Variants in BCO1 observed in about 807,000 individuals in gnomAD.
BCO1 encodes the protein beta,beta-carotene 15,15'-dioxygenase.
A neutral mutation model predicts 56.3 loss-of-function variants in BCO1; 54 were observed. That is an observed-to-expected ratio of 0.96 (90% CI 0.77 to 1.20). The LOEUF (loss-of-function observed/expected upper bound fraction) is 1.20, where lower values mean the gene tolerates loss of function less well. Ranked by LOEUF, BCO1 falls within the 50% of genes most tolerant of loss-of-function variation. BCO1 has a pLI of 0.00. For missense variants in BCO1, 801 were observed against 690.9 expected, an observed-to-expected ratio of 1.16 and a Z score of -1.79; for synonymous variants, 318 against 266.1, an observed-to-expected ratio of 1.20 and a Z score of -1.90.
chr16:81,270,285 A>ATCGTG lies in BCO1; in HGVS notation c.971_972insCGTGT (p.Ala325ValfsTer18). ...GGACGGCTGCATCGTGTTTGACGTC[A>ATCGTG]TTGCCTACGAGGACAACAGCCTCTA... On this transcript the variant is annotated frameshift_variant, in exon 7 of 11. Coordinates refer to ENST00000258168, the MANE Select transcript of BCO1 (RefSeq NM_017429.3). LOFTEE classifies it high-confidence loss of function. 1 of 1,614,196 alleles carries ATCGTG rather than the reference A, an allele frequency of 6.2e-7. No homozygotes were observed. Among genetic ancestry groups the ATCGTG allele is most frequent in the South Asian group, 1.1e-5 (1 of 91,078 alleles).
intron 1 of BCO1, among the ~76,000 whole-genome samples, chr16:81,243,072 C>G (rs1030849473): frequency 1.3e-5 from 2 of 152,026 alleles, no homozygotes; most frequent in African/African-American, 4.8e-5. Flanking sequence ...GGGTGCCTGC[C>G]AGGGGCTGGG....
rs149750747 is a variant in BCO1 at position 81,262,284 on chromosome 16, G to T, written c.471+1G>T. ...ACAGACTCTGGAAACCCTGGAGAAG[G>T]TATCAACACATATGTAACCAGCATC... On this transcript the variant is annotated splice_donor_variant, in intron 4 of 10. Transcript: ENST00000258168. LOFTEE classifies it high-confidence loss of function. 1 of 1,612,610 alleles carries T rather than the reference G, an allele frequency of 6.2e-7. No homozygotes were observed. Among genetic ancestry groups the T allele is most frequent in the Non-Finnish European group, 8.5e-7 (1 of 1,178,796 alleles).
intron 2 of BCO1, among the ~76,000 whole-genome samples, chr16:81,254,295 ATTTTTTTTTTTTTT>A (rs57961725): frequency 2.6e-5 from 2 of 78,288 alleles, no homozygotes; most frequent in Non-Finnish European, 4.7e-5. Context: ...CGCCCGGCTA[ATTTTTTTTTTTTTT>A]TTTTTTTTTT....
chr16:81,274,826 T>G (rs1907456478), intron 7 of BCO1, among the ~76,000 whole-genome samples: 1 of 151,498 alleles, frequency 6.6e-6, no homozygotes, highest in South Asian at 2.1e-4. Context: ...TGCAGTGAGC[T>G]GAGATCCCAC....
chr16:81,256,255 G>A lies in BCO1; in HGVS notation c.194-3421G>A, dbSNP rs575346128. 1.8e-3 allele frequency among the ~76,000 whole-genome samples: 270 copies of A among 152,214 alleles called. 7 individuals carry two copies. In the South Asian group the frequency reaches 0.053, roughly 30 times the overall value. Reference sequence around the variant, plus strand: ...TGCTGGTGCTCAATCGATGCTGGCTGTTAGTACTAGTTTCCTTTTCCTAAG... The same window carrying A: ...TGCTGGTGCTCAATCGATGCTGGCTATTAGTACTAGTTTCCTTTTCCTAAG... On this transcript the variant is annotated intron_variant, in intron 2 of 10. Transcript: ENST00000258168.
chr16:81,286,727 A>G (rs1323906641), intron 9 of BCO1, among the ~76,000 whole-genome samples: 1 of 152,140 alleles, frequency 6.6e-6, no homozygotes, highest in Non-Finnish European at 1.5e-5. Flanking sequence ...TTTAATTTTT[A>G]AAAGAATTCC....
chr16:81,247,093 C>T (rs1179954552), intron 2 of BCO1, among the ~76,000 whole-genome samples: 1 of 152,118 alleles, frequency 6.6e-6, no homozygotes, highest in Non-Finnish European at 1.5e-5. Context: ...GCTACAAAAT[C>T]AAGAGCCGAG....
intron 7 of BCO1, among the ~76,000 whole-genome samples, chr16:81,275,571 C>G (rs564437172): frequency 6.6e-6 from 1 of 152,346 alleles, no homozygotes; most frequent in East Asian, 1.9e-4. Flanking sequence ...AGGACAGGGA[C>G]TCTGTCTCAT....
At chr16:81,270,026 C>A (rs1227667101) in intron 6 of BCO1, 133 bp from the exon 7 acceptor site, 11 of 1,152,506 alleles carry the variant, frequency 9.5e-6, no homozygotes, top group Non-Finnish European at 1.4e-5. Context: ...TTGTGGAGCA[C>A]ACACAGAATG....
intron 7 of BCO1, among the ~76,000 whole-genome samples, chr16:81,273,292 T>C (rs748543934): frequency 2.0e-5 from 3 of 152,140 alleles, no homozygotes; most frequent in Non-Finnish European, 1.5e-5. Context: ...CCTAAACCCC[T>C]GTTTGTAACT....
chr16:81,249,341 C>T (rs1165742366), intron 2 of BCO1, among the ~76,000 whole-genome samples: 1 of 152,070 alleles, frequency 6.6e-6, no homozygotes, highest in Non-Finnish European at 1.5e-5. Flanking sequence ...ATTGCAAACT[C>T]CACCTCCCGG....
At chr16:81,289,305 G>A (rs1908340017) in intron 10 of BCO1, among the ~76,000 whole-genome samples, 1 of 152,160 alleles carries the variant, frequency 6.6e-6, no homozygotes, top group Admixed American at 6.5e-5. Flanking sequence ...GATGAGTTTA[G>A]TAGCACTGCT....
In BCO1 at chr16:81,268,222, T is replaced by C. The variant is rs1055492017; in HGVS notation, c.843+91T>C. ...GAGGGTGAAGTTTAAGGCAAGGAAGTGGCATGGAAGAGGGAGGAGGCTACC... is the reference window on the plus strand; with the variant it reads ...GAGGGTGAAGTTTAAGGCAAGGAAGCGGCATGGAAGAGGGAGGAGGCTACC... On this transcript the variant is annotated intron_variant, in intron 6 of 10. Coordinates refer to ENST00000258168, the MANE Select transcript of BCO1 (RefSeq NM_017429.3). 2.4e-6 allele frequency: 3 copies of C among 1,231,350 alleles called. No homozygotes were observed. In the African/African-American group the frequency reaches 4.5e-5, roughly 18 times the overall value. The allele number at this position is 1,231,350 out of a possible 1,614,324, so 76.3% of individuals were successfully genotyped here. A position where few individuals can be genotyped will look rare whatever the true frequency, so the allele number is the denominator to read the frequency against.
chr16:81,290,294 C>A (rs1383408407), intron 10 of BCO1, 54 bp from the exon 11 acceptor site: 3 of 1,413,524 alleles, frequency 2.1e-6, no homozygotes, highest in Non-Finnish European at 3.0e-6. Context: ...GAAATTCATC[C>A]CTCCGACTGA....
At position 81,287,877 on chromosome 16, in the gene BCO1, C is replaced by T. The variant is rs112119374; in HGVS notation, c.1414+471C>T. On this transcript the variant is annotated intron_variant, in intron 10 of 10. Coordinates refer to ENST00000258168, the MANE Select transcript of BCO1 (RefSeq NM_017429.3). ...GTATTACTGCCAGCCAGGAAGCTCC[C>T]CTGAGACTCAGTATGGAGAGTTTTT... Among the ~76,000 whole-genome samples the T allele has an allele frequency of 1.1e-4, 17 of 152,194 alleles. 1 individual carries two copies. The highest frequency in any genetic ancestry group is 4.1e-4 in the African/African-American group (17 of 41,526).
intron 2 of BCO1, among the ~76,000 whole-genome samples, chr16:81,259,310 G>A (rs1467145341): frequency 2.0e-5 from 3 of 151,912 alleles, no homozygotes; most frequent in African/African-American, 4.8e-5. Context: ...CCTGGCCAAC[G>A]TGGTGAAACC....
intron 8 of BCO1, among the ~76,000 whole-genome samples, chr16:81,283,023 T>C (rs933137592): frequency 6.6e-6 from 1 of 152,178 alleles, no homozygotes; most frequent in African/African-American, 2.4e-5. Context: ...ATCTCAAAAC[T>C]TGCCAAAAGG....
intron 5 of BCO1, among the ~76,000 whole-genome samples, chr16:81,266,928 T>C (rs1224860516): frequency 6.6e-6 from 1 of 152,170 alleles, no homozygotes; most frequent in Non-Finnish European, 1.5e-5. Context: ...AGCCAGCTGT[T>C]TACAGGGTGC....
chr16:81,242,870 T>C (rs1905200643), intron 1 of BCO1, among the ~76,000 whole-genome samples: 1 of 152,104 alleles, frequency 6.6e-6, no homozygotes, highest in Non-Finnish European at 1.5e-5. Context: ...CAAACCCTAC[T>C]GTGAGCGTGA....
Sources: allele counts gnomAD v4.1 joint callset (sites outside exome capture counted in the v4.1 genomes callset), GRCh38; gene constraint gnomAD v4.1.1; transcripts MANE v1.5; gene names NCBI Gene and HGNC (gene_info 2026-07-23, HGNC 2026-07-21).